The following EYS variants were observed in gnomAD, a reference collection of about 807,000 sequenced individuals.
The protein encoded by EYS is EGF-like photoreceptor maintenance factor.
EYS carries 250 observed loss-of-function variants against 282.1 expected under a neutral mutation model. That is an observed-to-expected ratio of 0.89 (90% CI 0.80 to 0.98). The LOEUF (loss-of-function observed/expected upper bound fraction) is 0.98. Among genes scored for constraint, EYS ranks in the 50% least tolerant of loss-of-function variants. EYS has a pLI of 0.00. For missense variants in EYS, 4,016 were observed against 3,709.0 expected (o/e 1.08, Z -2.15); for synonymous variants, 1,355 against 1,282.9 (o/e 1.06, Z -1.20).
chr6:64,628,578 T>G, intron 22 of EYS, among the ~76,000 whole-genome samples: 1 of 152,110 alleles, frequency 6.6e-6, no homozygotes, highest in East Asian at 1.9e-4. Flanking sequence ...TGCCTAATTT[T>G]TGTGTGTTCA....
intron 13 of EYS, among the ~76,000 whole-genome samples, chr6:65,007,255 T>G (rs899288818): frequency 2.0e-5 from 3 of 152,158 alleles, no homozygotes; most frequent in Admixed American, 6.5e-5. Flanking sequence ...GGAAAATGAC[T>G]AGGGGTGCTG....
chr6:64,502,643 T>A (rs1435498304), intron 26 of EYS, among the ~76,000 whole-genome samples: 1 of 152,172 alleles, frequency 6.6e-6, no homozygotes, highest in East Asian at 1.9e-4. Context: ...CACATTTAAG[T>A]TTTATATAAG....
intron 1 of EYS, among the ~76,000 whole-genome samples, chr6:65,692,108 A>G (rs1769264533): frequency 6.6e-6 from 1 of 150,438 alleles, no homozygotes; most frequent in South Asian, 2.1e-4. Flanking sequence ...AAAAAAGAAT[A>G]AAATTATGTC....
intron 12 of EYS, among the ~76,000 whole-genome samples, chr6:65,141,347 T>C (rs1487162308): frequency 2.0e-5 from 3 of 151,622 alleles, no homozygotes; most frequent in East Asian, 2.0e-4. Flanking sequence ...TGTTGTGGGG[T>C]GGCGGGAGCG....
rs972634381 is a variant in EYS, at chr6:65,064,262, T to C, written c.2024-6535A>G. Reference sequence around the variant, plus strand: ...TATGATATATATGATATATATATCATATATAGTATACTATATATCATATAG... The same window carrying C: ...TATGATATATATGATATATATATCACATATAGTATACTATATATCATATAG... On this transcript the variant is annotated intron_variant, in intron 12 of 42. Transcript: ENST00000503581. 2.8e-3 allele frequency among the ~76,000 whole-genome samples: 398 copies of C among 141,856 alleles called. 2 individuals are homozygous for C. The highest frequency in any genetic ancestry group is 4.4e-3 in the Non-Finnish European group (293 of 65,976). The allele number at this position is 141,856 out of a possible 152,430, so 93.1% of individuals were successfully genotyped here.
At chr6:64,168,127 T>G (rs1764352783) in intron 31 of EYS, among the ~76,000 whole-genome samples, 1 of 151,996 alleles carries the variant, frequency 6.6e-6, no homozygotes, top group Non-Finnish European at 1.5e-5. Context: ...CCGAGCGTGG[T>G]GCGGAGGCCT....
chr6:64,992,349 A>G (rs1771092654), intron 14 of EYS, among the ~76,000 whole-genome samples: 1 of 151,896 alleles, frequency 6.6e-6, no homozygotes, highest in Admixed American at 6.6e-5. Flanking sequence ...TCAAAGCTAG[A>G]CAATCTTCAA....
chr6:64,727,020 G>T (rs1326454794), intron 22 of EYS, among the ~76,000 whole-genome samples: 2 of 152,186 alleles, frequency 1.3e-5, no homozygotes, highest in Non-Finnish European at 2.9e-5. Context: ...ACCGAATGGT[G>T]AGCAAAGTGA....
intron 22 of EYS, among the ~76,000 whole-genome samples, chr6:64,687,875 C>T (rs1053547290): frequency 6.6e-6 from 1 of 151,974 alleles, no homozygotes; most frequent in Non-Finnish European, 1.5e-5. Context: ...TTGGTAGGCT[C>T]TTAATTATTG....
intron 2 of EYS, among the ~76,000 whole-genome samples, chr6:65,555,096 A>G (rs1562256367): frequency 6.6e-6 from 1 of 152,162 alleles, no homozygotes; most frequent in African/African-American, 2.4e-5. Flanking sequence ...CACAAACCCA[A>G]GATGATCATC....
chr6:64,255,463 C>A (rs1038533471), intron 30 of EYS, among the ~76,000 whole-genome samples: 1 of 151,966 alleles, frequency 6.6e-6, no homozygotes, highest in Non-Finnish European at 1.5e-5. Context: ...TCATGAGCTA[C>A]TGGCAGAACA....
chr6:63,973,035 T>C (rs1766659351), intron 35 of EYS, among the ~76,000 whole-genome samples: 1 of 152,168 alleles, frequency 6.6e-6, no homozygotes, highest in Admixed American at 6.5e-5. Flanking sequence ...TGATTTATAA[T>C]CATGCTACTA....
At chr6:64,508,514 A>G (rs2150517101) in intron 26 of EYS, among the ~76,000 whole-genome samples, 1 of 150,962 alleles carries the variant, frequency 6.6e-6, no homozygotes, top group Non-Finnish European at 1.5e-5. Context: ...GAGAAATGAT[A>G]TCCGCATGCC....
chr6:65,223,305 T>C (rs1766522745), intron 12 of EYS, among the ~76,000 whole-genome samples: 1 of 152,134 alleles, frequency 6.6e-6, no homozygotes, highest in Non-Finnish European at 1.5e-5. Context: ...TGGCGGAGTT[T>C]GCAGTGAGCC....
chr6:64,188,544 T>C (rs926652291), intron 31 of EYS, among the ~76,000 whole-genome samples: 17 of 152,138 alleles, frequency 1.1e-4, no homozygotes, highest in African/African-American at 4.1e-4. Context: ...TCAAATTTAA[T>C]TGGTCTTGTA....
chr6:64,074,604 A>G (rs1771701695), intron 32 of EYS, among the ~76,000 whole-genome samples: 1 of 151,750 alleles, frequency 6.6e-6, no homozygotes, highest in African/African-American at 2.4e-5. Context: ...GATCATTTAT[A>G]AATATTCAAA....
At chr6:65,361,825 C>T (rs181440805) in intron 8 of EYS, among the ~76,000 whole-genome samples, 1 of 152,128 alleles carries the variant, frequency 6.6e-6, no homozygotes, top group East Asian at 1.9e-4. Flanking sequence ...TCTAATGTTT[C>T]CCTCCAAAAA....
chr6:64,870,152 C>T (rs1279552730), intron 19 of EYS, among the ~76,000 whole-genome samples: 2 of 151,500 alleles, frequency 1.3e-5, no homozygotes, highest in Non-Finnish European at 3.0e-5. Flanking sequence ...TGAGTAGGAA[C>T]ATATAACACT....
At chr6:64,686,918 T>TATATACGTGTATATATATATACACACAC (rs1770166996) in intron 22 of EYS, among the ~76,000 whole-genome samples, 1 of 61,596 alleles carries the variant, frequency 1.6e-5, no homozygotes, top group Admixed American at 1.7e-4. Flanking sequence ...TATACACACA[T>TATATACGTGTATATATATATACACACAC]ATATATACGT....
Sources: gnomAD v4.1 joint callset for allele counts (sites outside exome capture counted in the v4.1 genomes callset) on GRCh38, gnomAD v4.1.1 for gene constraint, MANE v1.5 for transcripts, NCBI Gene and HGNC (gene_info 2026-07-23, HGNC 2026-07-21) for gene names.